The following MICU1 variants were observed in gnomAD, a reference collection of about 807,000 sequenced individuals.
The protein encoded by MICU1 is mitochondrial calcium uptake 1.
Under a neutral mutation model 56.8 loss-of-function variants are expected in MICU1, and 45 were observed. The observed-to-expected ratio is 0.79, with a 90% CI of 0.62 to 1.02. MICU1 has a LOEUF of 1.02. MICU1 is among the 50% of genes least tolerant of loss of function. MICU1 has a pLI of 0.00. For missense variants in MICU1, 504 were observed against 587.1 expected (o/e 0.86, Z 1.46); for synonymous variants, 186 against 195.1 (o/e 0.95, Z 0.39).
chr10:72,617,670 A>C (rs1842014318), intron 1 of MICU1, among the ~76,000 whole-genome samples: 1 of 152,134 alleles, frequency 6.6e-6, no homozygotes, highest in African/African-American at 2.4e-5. Context: ...TGTCTCTACA[A>C]AAAAGTTAAA....
rs187430584 is a variant in MICU1, at chr10:72,463,308, C to A, written c.933+11792G>T. Among the ~76,000 whole-genome samples the A allele has an allele frequency of 5.9e-5, 9 of 152,232 alleles. No individual in the cohort carries two copies. The East Asian group carries it at 1.5e-3, about 26-fold the overall frequency. ...GAACTCCCAACATCAGGTGATCTGCCCACCTTGGCCTCCAAAAGTGCTGGG... is the reference window on the plus strand; with the variant it reads ...GAACTCCCAACATCAGGTGATCTGCACACCTTGGCCTCCAAAAGTGCTGGG... On this transcript the variant is annotated intron_variant, in intron 8 of 11. Transcript: ENST00000361114.
At chr10:72,398,767 C>T (rs1246677382) in intron 10 of MICU1, among the ~76,000 whole-genome samples, 1 of 152,074 alleles carries the variant, frequency 6.6e-6, no homozygotes, top group Non-Finnish European at 1.5e-5. Context: ...CTGAATAGAC[C>T]AATAACAGGC....
chr10:72,442,682 T>C (rs1864976508), intron 8 of MICU1, among the ~76,000 whole-genome samples: 1 of 152,226 alleles, frequency 6.6e-6, no homozygotes, highest in Non-Finnish European at 1.5e-5. Flanking sequence ...CCAAAACATA[T>C]TAAACTTTCC....
intron 8 of MICU1, among the ~76,000 whole-genome samples, chr10:72,435,168 C>T (rs1292107473): frequency 2.0e-5 from 3 of 151,838 alleles, no homozygotes; most frequent in African/African-American, 7.3e-5. Context: ...GGTGGGAGTA[C>T]TGCTTGAGGC....
chr10:72,481,165 T>C (rs1866281779), intron 6 of MICU1, among the ~76,000 whole-genome samples: 1 of 152,232 alleles, frequency 6.6e-6, no homozygotes, highest in Admixed American at 6.5e-5. Flanking sequence ...TTTCATTGGC[T>C]GATCATGTCA....
At chr10:72,427,316 G>A (rs1386106771) in intron 8 of MICU1, among the ~76,000 whole-genome samples, 3 of 152,114 alleles carry the variant, frequency 2.0e-5, no homozygotes, top group Non-Finnish European at 2.9e-5. Context: ...GTCCCTTGTC[G>A]TTTTGGAAGG....
At chr10:72,417,901 AC>A (rs1426484547) in intron 9 of MICU1, among the ~76,000 whole-genome samples, 10 of 152,192 alleles carry the variant, frequency 6.6e-5, no homozygotes, top group Admixed American at 4.6e-4. Context: ...CATACCTGAG[AC>A]CAGGTAATTT....
At chr10:72,539,594 A>G (rs1297768418) in intron 4 of MICU1, among the ~76,000 whole-genome samples, 2 of 152,180 alleles carry the variant, frequency 1.3e-5, no homozygotes, top group African/African-American at 4.8e-5. Flanking sequence ...AAACAATTCT[A>G]AGAGGGAAGT....
intron 1 of MICU1, among the ~76,000 whole-genome samples, chr10:72,621,333 CA>C (rs1033464453): frequency 1.2e-4 from 18 of 146,810 alleles, no homozygotes; most frequent in Admixed American, 2.0e-4. Flanking sequence ...ACTTAAAATA[CA>C]AAAAAAAAAT....
chr10:72,477,193 T>A lies in MICU1; in HGVS notation c.716A>T (p.Asp239Val), dbSNP rs1254880121. ...MFDLNGDGEV[D>V]MEEFEQVQSI... ...ACTTGCCTGTTCAAATTCTTCCATA[T>A]CTACTTCTCCATCTCCATTCAAATC... The change falls in exon 7 of 12, where the codon GAT (aspartate) becomes GTT (valine). Residue 239 changes from aspartate (D) to valine (V), a missense_variant. Coordinates refer to ENST00000361114, the MANE Select transcript of MICU1 (RefSeq NM_001195518.2). 3.2e-6 allele frequency: 5 copies of A among 1,548,784 alleles called. No homozygotes were observed. In the South Asian group the frequency reaches 4.8e-5, roughly 15 times the overall value.
At chr10:72,444,917 C>T (rs1206334185) in intron 8 of MICU1, among the ~76,000 whole-genome samples, 1 of 152,216 alleles carries the variant, frequency 6.6e-6, no homozygotes, top group Non-Finnish European at 1.5e-5. Context: ...CCAGTCTACA[C>T]TCTTAAATAC....
At chr10:72,524,857 T>C (rs1309392713) in intron 5 of MICU1, 4 of 633,472 alleles carry the variant, frequency 6.3e-6, no homozygotes, top group Non-Finnish European at 2.3e-6. Context: ...AGTTAAAACC[T>C]GTAATAATAT....
chr10:72,467,715 ATT>A (rs1297444638), intron 8 of MICU1: 1 of 151,472 alleles, frequency 6.6e-6, no homozygotes, highest in Non-Finnish European at 1.5e-5. Context: ...TAACCTCAAT[ATT>A]TTTTCTTGAA....
intron 10 of MICU1, among the ~76,000 whole-genome samples, chr10:72,383,245 CAAA>C (rs56293812): frequency 6.7e-5 from 8 of 119,098 alleles, no homozygotes; most frequent in Non-Finnish European, 6.6e-5. Context: ...GACCCTGTCT[CAAA>C]AAAAAAAAAA....
In MICU1 at chr10:72,474,212, T is replaced by C. The variant is rs762507960; in HGVS notation, c.933+888A>G. Among the ~76,000 whole-genome samples, 16 of 123,080 alleles carry C rather than the reference T, an allele frequency of 1.3e-4. No homozygotes were observed. The South Asian group carries it at 2.2e-3, about 17-fold the overall frequency. The allele number at this position is 123,080 out of a possible 152,430, so 80.7% of individuals were successfully genotyped here. A position where few individuals can be genotyped will look rare whatever the true frequency, so the allele number is the denominator to read the frequency against. Reference sequence around the variant, plus strand: ...TGGAGGTTGCAGTGAGCCAAGATCATATCATGCCACTGCACTCCACCCTGG... The same window carrying C: ...TGGAGGTTGCAGTGAGCCAAGATCACATCATGCCACTGCACTCCACCCTGG... On this transcript the variant is annotated intron_variant, in intron 8 of 11. Coordinates refer to ENST00000361114, the MANE Select transcript of MICU1 (RefSeq NM_001195518.2).
intron 10 of MICU1, among the ~76,000 whole-genome samples, chr10:72,403,950 C>T (rs937239890): frequency 6.0e-5 from 9 of 149,278 alleles, no homozygotes; most frequent in African/African-American, 2.0e-4. Flanking sequence ...CCACCACGCC[C>T]GGCAGTGTGT....
At chr10:72,615,101 GTT>G (rs1841945153) in intron 1 of MICU1, among the ~76,000 whole-genome samples, 2 of 17,844 alleles carry the variant, frequency 1.1e-4, no homozygotes, top group South Asian at 1.6e-3. Flanking sequence ...GTGGTTTTGT[GTT>G]TGTTTGTTTG....
intron 10 of MICU1, 104 bp from the exon 11 acceptor site, chr10:72,375,976 C>G: frequency 9.8e-7 from 1 of 1,025,482 alleles, no homozygotes; most frequent in South Asian, 1.4e-5. Context: ...TTTTCAACTG[C>G]ATTTAAGTCA....
chr10:72,387,980 C>A (rs7914021), intron 10 of MICU1, among the ~76,000 whole-genome samples: 10,876 of 152,046 alleles, frequency 0.072, 1,334 homozygotes, highest in African/African-American at 0.25. Flanking sequence ...TTCACAATAA[C>A]CCTGAAACAA....
Sources: gnomAD v4.1 joint callset for allele counts (sites outside exome capture counted in the v4.1 genomes callset) on GRCh38, gnomAD v4.1.1 for gene constraint, MANE v1.5 for transcripts, NCBI Gene and HGNC (gene_info 2026-07-23, HGNC 2026-07-21) for gene names.